ULK4: variants seen among roughly 807,000 people sequenced by gnomAD.
The protein encoded by ULK4 is unc-51 like kinase 4.
In ULK4, 133 loss-of-function variants were observed where a neutral mutation model predicts 160.6. That is an observed-to-expected ratio of 0.83 (90% confidence interval 0.72 to 0.96). The LOEUF is 0.96. ULK4 is among the 40% of genes least tolerant of loss of function. ULK4 has a pLI of 0.00. For missense variants in ULK4, 1,580 were observed against 1,499.5 expected (o/e 1.05, Z -0.89); for synonymous variants, 534 against 539.8 (o/e 0.99, Z 0.15).
intron 31 of ULK4, among the ~76,000 whole-genome samples, chr3:41,572,858 T>C (rs1389086302): frequency 1.3e-5 from 2 of 150,810 alleles, no homozygotes; most frequent in Non-Finnish European, 3.0e-5. Context: ...TTGCCCAAAA[T>C]AAAAATACGT....
intron 21 of ULK4, among the ~76,000 whole-genome samples, chr3:41,765,612 G>C (rs1479000734): frequency 6.6e-6 from 1 of 151,898 alleles, no homozygotes; most frequent in East Asian, 1.9e-4. Context: ...GGAAAACAAA[G>C]AAAAGTATAT....
At position 41,470,018 on chromosome 3, in the gene ULK4, G is replaced by GAAAAAAAAAAAAAAAAAAAAAAAAAAA. The variant is rs71094650; in HGVS notation, c.3227-6792_3227-6766dup. Among the ~76,000 whole-genome samples the GAAAAAAAAAAAAAAAAAAAAAAAAAAA allele has an allele frequency of 1.0e-3, 47 of 45,968 alleles. 1 individual carries two copies. Among genetic ancestry groups the GAAAAAAAAAAAAAAAAAAAAAAAAAAA allele is most frequent in the East Asian group, 1.8e-3 (2 of 1,102 alleles). The allele number at this position is 45,968 out of a possible 152,430, so 30.2% of individuals were successfully genotyped here. ...GAGGAATTCAAGAAGAAACAGAACA[G>GAAAAAAAAAAAAAAAAAAAAAAAAAAA]AAAAAAAAAAAAAAAAAAAAAAAAA... On this transcript the variant is annotated intron_variant, in intron 32 of 36. Coordinates refer to ENST00000301831, the MANE Select transcript of ULK4 (RefSeq NM_017886.4).
intron 32 of ULK4, among the ~76,000 whole-genome samples, chr3:41,468,506 A>G (rs574669122): frequency 6.6e-6 from 1 of 152,304 alleles, no homozygotes; most frequent in South Asian, 2.1e-4. Flanking sequence ...CCTCCTATAG[A>G]AGAATAGGAG....
intron 29 of ULK4, among the ~76,000 whole-genome samples, chr3:41,670,794 T>C (rs956691752): frequency 6.6e-6 from 1 of 152,020 alleles, no homozygotes; most frequent in Non-Finnish European, 1.5e-5. Context: ...ATGACTTCAA[T>C]AACACTCAAG....
chr3:41,809,149 G>C lies in ULK4; in HGVS notation c.1849-8856C>G, dbSNP rs1253159447. Among the ~76,000 whole-genome samples the C allele has an allele frequency of 2.8e-5, 4 of 143,250 alleles. No homozygotes were observed. The East Asian group carries it at 8.0e-4, about 29-fold the overall frequency. 94.0% of individuals were successfully genotyped at this position (143,250 alleles called of 152,430 possible). On this transcript the variant is annotated intron_variant, in intron 19 of 36. Coordinates refer to ENST00000301831, the MANE Select transcript of ULK4 (RefSeq NM_017886.4). ...CCACTGCACTCCAGCCTGTGCAACA[G>C]AGCAAGACTCCGTCTCAAAAAAAAA...
chr3:41,705,836 G>A lies in ULK4; in HGVS notation c.2635-531C>T, dbSNP rs368919096. On this transcript the variant is annotated intron_variant, in intron 25 of 36. Coordinates refer to ENST00000301831, the MANE Select transcript of ULK4 (RefSeq NM_017886.4). The stretch of plus-strand genomic sequence containing the variant: ...AGTCAATGTTAACATAAGCATTTAC[G>A]AAAGTGAGAATAATATAACTGATAC... 2.2e-3 allele frequency among the ~76,000 whole-genome samples: 336 copies of A among 152,172 alleles called. 2 individuals are homozygous for A. The highest frequency in any genetic ancestry group is 7.8e-3 in the African/African-American group (322 of 41,534).
intron 35 of ULK4, among the ~76,000 whole-genome samples, chr3:41,342,906 G>T (rs565894560): frequency 6.6e-6 from 1 of 152,198 alleles, no homozygotes; most frequent in East Asian, 1.9e-4. Flanking sequence ...CACATAAACA[G>T]AACTAAAGAC....
chr3:41,691,223 T>C (rs915233869), intron 27 of ULK4, among the ~76,000 whole-genome samples: 1 of 151,830 alleles, frequency 6.6e-6, no homozygotes, highest in Non-Finnish European at 1.5e-5. Context: ...ACAGTGCACA[T>C]GCAGCCCCTG....
Position 41,506,767 on chromosome 3 carries a change from A to AAAAAAAAAAAAAAAAAAAAAAAAT in ULK4, c.3227-43515_3227-43514insATTTTTTTTTTTTTTTTTTTTTTT. On this transcript the variant is annotated intron_variant, in intron 32 of 36. Transcript: ENST00000301831. ...AGCAATACACTGGAGTGTGATTTAA[A>AAAAAAAAAAAAAAAAAAAAAAAAT]ATATATATATATATATATATATATA... Among the ~76,000 whole-genome samples the AAAAAAAAAAAAAAAAAAAAAAAAT allele has an allele frequency of 6.7e-4, 38 of 56,792 alleles. 5 individuals carry two copies. Among genetic ancestry groups the AAAAAAAAAAAAAAAAAAAAAAAAT allele is most frequent in the Admixed American group, 1.9e-3 (9 of 4,640 alleles). The allele number at this position is 56,792 out of a possible 152,430, so 37.3% of individuals were successfully genotyped here.
chr3:41,398,611 T>C lies in ULK4; in HGVS notation c.3493-347A>G, dbSNP rs6798449. ...CCCCCTATGTTGCCCAGGCTAGTTT[T>C]GAACTCCTGGGTTCAAGGAATCCTC... On this transcript the variant is annotated intron_variant, in intron 34 of 36. Transcript: ENST00000301831. 4.1e-3 allele frequency among the ~76,000 whole-genome samples: 620 copies of C among 151,306 alleles called. 1 individual carries two copies. The highest frequency in any genetic ancestry group is 0.014 in the African/African-American group (593 of 41,228).
At chr3:41,670,729 T>A (rs946607814) in intron 29 of ULK4, among the ~76,000 whole-genome samples, 1 of 152,092 alleles carries the variant, frequency 6.6e-6, no homozygotes, top group African/African-American at 2.4e-5. Context: ...GGGCTGTCTC[T>A]TCAATTAGAT....
intron 35 of ULK4, among the ~76,000 whole-genome samples, chr3:41,334,210 A>C (rs2080505727): frequency 6.6e-6 from 1 of 152,198 alleles, no homozygotes; most frequent in Non-Finnish European, 1.5e-5. Context: ...CAGGGGCTGT[A>C]AACTGGCAAG....
chr3:41,365,685 AG>A (rs1379622388), intron 35 of ULK4, among the ~76,000 whole-genome samples: 2 of 152,204 alleles, frequency 1.3e-5, no homozygotes, highest in African/African-American at 4.8e-5. Context: ...ACCAAATAAA[AG>A]TGAGACTGGA....
intron 21 of ULK4, among the ~76,000 whole-genome samples, chr3:41,758,851 C>T (rs1287899370): frequency 3.4e-5 from 5 of 147,902 alleles, no homozygotes; most frequent in South Asian, 2.1e-4. Flanking sequence ...CCAGCCTGGG[C>T]GACAGAGCAA....
At chr3:41,405,814 G>A (rs747368069) in intron 34 of ULK4, among the ~76,000 whole-genome samples, 3 of 149,434 alleles carry the variant, frequency 2.0e-5, no homozygotes, top group Non-Finnish European at 3.0e-5. Context: ...TTTTTAATGA[G>A]TTTTTTTTTT....
intron 32 of ULK4, among the ~76,000 whole-genome samples, chr3:41,526,073 G>T (rs2086105967): frequency 6.6e-6 from 1 of 152,082 alleles, no homozygotes; most frequent in Admixed American, 6.5e-5. Flanking sequence ...TCCCCAGTTT[G>T]CTCCTTATCT....
At chr3:41,370,884 A>C (rs538607775) in intron 35 of ULK4, among the ~76,000 whole-genome samples, 1 of 152,352 alleles carries the variant, frequency 6.6e-6, no homozygotes, top group African/African-American at 2.4e-5. Context: ...CAGCAAGCTA[A>C]GATCCACTGG....
intron 31 of ULK4, among the ~76,000 whole-genome samples, chr3:41,611,966 C>T (rs1378724973): frequency 6.6e-6 from 1 of 151,906 alleles, no homozygotes; most frequent in African/African-American, 2.4e-5. Flanking sequence ...ATGGGTTCCA[C>T]ATCTGTGCAT....
At chr3:41,637,812 T>C (rs2034018775) in intron 30 of ULK4, among the ~76,000 whole-genome samples, 1 of 152,238 alleles carries the variant, frequency 6.6e-6, no homozygotes, top group African/African-American at 2.4e-5. Flanking sequence ...CATTTCTTCA[T>C]AGATCTGTTG....
Sources: gnomAD v4.1 joint callset for allele counts (sites outside exome capture counted in the v4.1 genomes callset) on GRCh38, gnomAD v4.1.1 for gene constraint, MANE v1.5 for transcripts, NCBI Gene and HGNC (gene_info 2026-07-23, HGNC 2026-07-21) for gene names.